The following GREB1 variants were observed in gnomAD, a reference collection of about 807,000 sequenced individuals.
GREB1 encodes growth regulating estrogen receptor binding 1, also known as protein GREB1.
GREB1 carries 106 observed loss-of-function variants against 200.7 expected under a neutral mutation model. The ratio of observed to expected loss-of-function variants is 0.53; its 90% confidence interval spans 0.45 to 0.62. The LOEUF is 0.62. Among genes scored for constraint, GREB1 ranks in the 20% least tolerant of loss-of-function variants. GREB1 has a pLI of 0.00. For synonymous variants in GREB1, 1,132 were observed against 1,092.4 expected, an observed-to-expected ratio of 1.04 and a Z score of -0.72; for missense variants, 2,243 against 2,556.8, an observed-to-expected ratio of 0.88 and a Z score of 2.65.
At chr2:11,591,814 G>T (rs1370246824) in intron 10 of GREB1, 1 of 219,394 alleles carries the variant, frequency 4.6e-6, no homozygotes, top group East Asian at 1.4e-4. Context: ...AAACGGTGGT[G>T]CTCACGTATG....
chr2:11,541,254 G>A (rs1674715060), intron 1 of GREB1, among the ~76,000 whole-genome samples: 1 of 152,166 alleles, frequency 6.6e-6, no homozygotes, highest in African/African-American at 2.4e-5. Flanking sequence ...AGGCAGTGAG[G>A]CAGAAAGGGA....
upstream of GREB1, among the ~76,000 whole-genome samples, chr2:11,532,491 G>C (rs1316677033): frequency 6.6e-6 from 1 of 152,110 alleles, no homozygotes; most frequent in Non-Finnish European, 1.5e-5. Context: ...TTTGTTTAAA[G>C]GTTCATTACG....
At chr2:11,588,369 C>G (rs906292903) in intron 9 of GREB1, 1 of 818,226 alleles carries the variant, frequency 1.2e-6, no homozygotes, top group African/African-American at 1.8e-5. Flanking sequence ...GCAGGCAGCA[C>G]CCAGTGAAGC....
intron 9 of GREB1, 138 bp downstream of exon 9, chr2:11,586,043 A>G (rs1396417579): frequency 3.6e-6 from 3 of 841,222 alleles, no homozygotes; most frequent in South Asian, 1.7e-5. Context: ...TTTCCAGGGC[A>G]AGGAAAGAAC....
chr2:11,598,132 T>G (rs978919559), intron 14 of GREB1, among the ~76,000 whole-genome samples, 154 bp downstream of exon 14: 2 of 152,018 alleles, frequency 1.3e-5, no homozygotes, highest in Non-Finnish European at 2.9e-5. Flanking sequence ...TCAGAGACAG[T>G]GACTTGCCCA....
intron 1 of GREB1, among the ~76,000 whole-genome samples, chr2:11,535,876 C>T (rs562318182): frequency 2.6e-5 from 4 of 152,178 alleles, no homozygotes; most frequent in Non-Finnish European, 2.9e-5. Context: ...ATATGGATGT[C>T]GGAATTGTTC....
At chr2:11,584,933 C>G in intron 7 of GREB1, 1 of 389,892 alleles carries the variant, frequency 2.6e-6, no homozygotes. Context: ...TGGAGGACCA[C>G]CAGGTTGCCT....
At chr2:11,486,327 T>A (rs1292791286) in intron 1 of GREB1, among the ~76,000 whole-genome samples, 1 of 152,118 alleles carries the variant, frequency 6.6e-6, no homozygotes, top group Non-Finnish European at 1.5e-5. Context: ...TAGTTTTAAT[T>A]GTAATTTTTG....
At chr2:11,571,397 T>A (rs539861177) in intron 4 of GREB1, among the ~76,000 whole-genome samples, 2 of 152,314 alleles carry the variant, frequency 1.3e-5, no homozygotes, top group Admixed American at 1.3e-4. Flanking sequence ...CTCATTCTTC[T>A]CTGCAGCACA....
intron 4 of GREB1, among the ~76,000 whole-genome samples, chr2:11,572,185 G>A (rs1678379424): frequency 6.6e-6 from 1 of 152,256 alleles, no homozygotes; most frequent in Admixed American, 6.5e-5. Context: ...CTAGAGTAAG[G>A]CCCTTCTGAG....
At chr2:11,578,510 G>T in intron 6 of GREB1, 79 bp downstream of exon 6, 2 of 1,431,554 alleles carry the variant, frequency 1.4e-6, no homozygotes, top group Non-Finnish European at 1.9e-6. Context: ...TGACTATGCC[G>T]TCAAGCATTC....
In GREB1 at chr2:11,493,183, AG is replaced by A. The variant is rs1672807847; in HGVS notation, c.-159+10805del. On this transcript the variant is annotated intron_variant, in intron 1 of 2. Coordinates refer to the GREB1 transcript ENST00000628795. This position sits in a 1 kb window ranked among gnomAD's most constrained non-coding sequence, Gnocchi z 4.6. ...TAGGCTTGTGGAAACTGCGACATGA[AG>A]GGAAATGAGGTATGTACTGTATGCC... is the stretch of plus-strand genomic sequence containing the variant. Among the ~76,000 whole-genome samples the A allele has an allele frequency of 6.6e-6, 1 of 152,220 alleles. No homozygotes were observed. The highest frequency in any genetic ancestry group is 2.4e-5 in the African/African-American group (1 of 41,448).
At chr2:11,549,609 T>C (rs1488525018) in intron 1 of GREB1, among the ~76,000 whole-genome samples, 1 of 152,254 alleles carries the variant, frequency 6.6e-6, no homozygotes, top group Non-Finnish European at 1.5e-5. Flanking sequence ...TTCCATTCTT[T>C]GTATCTTGAT....
In GREB1 at chr2:11,625,273, A is replaced by G; in HGVS notation, c.4267A>G (p.Ser1423Gly). ...IIHDPKYEDASLICSHYQGIK... is the reference protein window; with the variant it reads ...IIHDPKYEDAGLICSHYQGIK... ...TCACGACCCGAAGTATGAAGATGCC[A>G]GCCTGATTTGTTCGCACTATCAGGG... Residue 1423 changes from serine (S) to glycine (G), a missense_variant, in exon 24 of 33, where the codon AGC (serine) becomes GGC (glycine). Ser to Gly is a moderately conservative substitution (Grantham distance 56, BLOSUM62 0). Transcript: ENST00000381486. The G allele has an allele frequency of 6.2e-7, 1 of 1,614,216 alleles. No individual in the cohort carries two copies. The highest frequency in any genetic ancestry group is 8.5e-7 in the Non-Finnish European group (1 of 1,180,030).
chr2:11,635,324 G>A lies in GREB1; in HGVS notation c.5265G>A (p.Leu1755=). ...TGCGGGTGCACAGCGCCGGCCTCCT[G>A]CTCTGCCGGTTCAACCGCTTCAGCG... ...FNLRVHSAGL[L]LCRFNRFSVM... Residue 1755 remains leucine (L), a synonymous_variant, in exon 30 of 33, where the codon CTG becomes CTA. Coordinates refer to ENST00000381486, the MANE Select transcript of GREB1 (RefSeq NM_014668.4). 4 of 1,614,166 alleles carry A rather than the reference G, an allele frequency of 2.5e-6. No homozygotes were observed. In the South Asian group the frequency reaches 4.4e-5, roughly 18 times the overall value.
chr2:11,576,257 A>G, intron 4 of GREB1, 96 bp from the exon 5 acceptor site: 1 of 981,284 alleles, frequency 1.0e-6, no homozygotes, highest in Non-Finnish European at 1.5e-6. Context: ...CAGCGAGCCG[A>G]GATCGCACCA....
chr2:11,639,758 A>G (rs1001867684), intron 32 of GREB1, among the ~76,000 whole-genome samples: 1 of 152,154 alleles, frequency 6.6e-6, no homozygotes, highest in Non-Finnish European at 1.5e-5. Context: ...GAAACATTTC[A>G]TCTAAAGGGA....
chr2:11,632,527 G>A (rs891998884), intron 27 of GREB1, among the ~76,000 whole-genome samples: 37 of 151,924 alleles, frequency 2.4e-4, no homozygotes, highest in Non-Finnish European at 4.1e-4. Context: ...TTGTAGAGAC[G>A]GGGTTTCACC....
chr2:11,636,786 G>GAGGCAGGGACAGA (rs1685364042), intron 30 of GREB1, among the ~76,000 whole-genome samples: 1 of 125,014 alleles, frequency 8.0e-6, no homozygotes, highest in African/African-American at 2.7e-5. Context: ...GCAGGGGCAC[G>GAGGCAGGGACAGA]GGCATGGGCA....
Sources: allele counts gnomAD v4.1 joint callset (sites outside exome capture counted in the v4.1 genomes callset), GRCh38; gene constraint gnomAD v4.1.1; non-coding constraint Gnocchi (gnomAD v3.1); transcripts MANE v1.5; gene names NCBI Gene and HGNC (gene_info 2026-07-23, HGNC 2026-07-21).